RAB44: variants seen among roughly 807,000 people sequenced by gnomAD.
RAB44 encodes the protein RAB44, member RAS oncogene family.
RAB44 carries 67 observed loss-of-function variants against 93.3 expected under a neutral mutation model. The ratio of observed to expected loss-of-function variants is 0.72; its 90% CI spans 0.59 to 0.88. The LOEUF is 0.88. Among genes scored for constraint, RAB44 ranks in the 40% least tolerant of loss-of-function variants. The pLI, the probability that RAB44 is intolerant of heterozygous loss-of-function variation, is 0.00. For synonymous variants in RAB44, 427 were observed against 520.3 expected (o/e 0.82, Z 2.44); for missense variants, 1,064 against 1,261.7 (o/e 0.84, Z 2.37).
At chr6:36,701,252 A>G (rs76933890) in intron 1 of RAB44, among the ~76,000 whole-genome samples, 17,130 of 151,964 alleles carry the variant, frequency 0.11, 1,159 homozygotes, top group African/African-American at 0.18. Flanking sequence ...TAGAACTTCA[A>G]GCACACGCCA....
chr6:36,720,872 T>TAA (rs1370554360), intron 8 of RAB44, among the ~76,000 whole-genome samples: 15 of 152,296 alleles, frequency 9.8e-5, no homozygotes, highest in African/African-American at 3.1e-4. Context: ...TAGCAGGCAC[T>TAA]CACTCTACTT....
At position 36,727,565 on chromosome 6, in the gene RAB44, C is replaced by T. The variant is rs1703436739; in HGVS notation, c.2682-12C>T. Reference sequence around the variant, plus strand: ...GATGCCTGGTGTGGCCTCATGCAGACTCTCTGGGCAGGTACCACAGTATGA... The same window carrying T: ...GATGCCTGGTGTGGCCTCATGCAGATTCTCTGGGCAGGTACCACAGTATGA... On this transcript the variant is annotated splice_polypyrimidine_tract_variant and intron_variant, in intron 10 of 13. Transcript: ENST00000612677. The T allele has an allele frequency of 1.3e-6, 2 of 1,545,800 alleles. No homozygotes were observed. Among genetic ancestry groups the T allele is most frequent in the Admixed American group, 2.0e-5 (1 of 50,978 alleles).
At position 36,718,578 on chromosome 6, in the gene RAB44, G is replaced by C; in HGVS notation, c.818G>C (p.Gly273Ala). ...CGCGAGGTGCAGCGACTAGCTGAGG[G>C]CCAGAGGGAGGTGAGTAATAGGGTT... is the stretch of plus-strand genomic sequence containing the variant. ...KEREVQRLAE[G>A]QRELEAQLSH... Residue 273 changes from glycine to alanine, a missense_variant, in exon 7 of 14, where the codon GGC becomes GCC. Gly to Ala is a moderately conservative substitution (Grantham distance 60, BLOSUM62 0). Transcript: ENST00000612677. The C allele has an allele frequency of 2.4e-6, 3 of 1,233,632 alleles. No homozygotes were observed. The highest frequency in any genetic ancestry group is 3.0e-6 in the Non-Finnish European group (3 of 987,502). 76.4% of individuals were successfully genotyped at this position (1,233,632 alleles called of 1,614,324 possible).
At chr6:36,713,993 C>A in intron 3 of RAB44, 54 bp downstream of exon 3, 3 of 1,136,720 alleles carry the variant, frequency 2.6e-6, no homozygotes, top group Non-Finnish European at 2.6e-6. Flanking sequence ...TGCAGTGTGC[C>A]CTGCATGGGG....
chr6:36,704,499 C>G lies in RAB44; in HGVS notation c.207+57C>G, dbSNP rs895762932. On this transcript the variant is annotated intron_variant, in intron 2 of 13. Coordinates refer to ENST00000612677, the MANE Select transcript of RAB44 (RefSeq NM_001257357.2). ...TCCCTTTTCCGCAGCTCCTGACACC[C>G]CCTCTCCCCCATCACAGGAAGGCAG... The G allele has an allele frequency of 1.6e-5, 24 of 1,474,218 alleles. No individual in the cohort carries two copies. The East Asian group carries it at 6.0e-4, about 37-fold the overall frequency. The allele number at this position is 1,474,218 out of a possible 1,614,324, so 91.3% of individuals were successfully genotyped here. A position where few individuals can be genotyped will look rare whatever the true frequency, so the allele number is the denominator to read the frequency against.
chr6:36,712,764 A>G (rs1172536543), intron 2 of RAB44, among the ~76,000 whole-genome samples: 1 of 152,230 alleles, frequency 6.6e-6, no homozygotes, highest in African/African-American at 2.4e-5. Flanking sequence ...TTTTCAACCA[A>G]TAGGCATTAA....
chr6:36,728,539 A>G, intron 11 of RAB44, among the ~76,000 whole-genome samples, 161 bp from the exon 12 acceptor site: 1 of 151,760 alleles, frequency 6.6e-6, no homozygotes, highest in Non-Finnish European at 1.5e-5. Flanking sequence ...TTATCAGCAG[A>G]GAGGAAGGAT....
In RAB44 at chr6:36,722,326, C is replaced by A. The variant is rs1305215681; in HGVS notation, c.2192C>A (p.Ala731Glu). 13 of 1,338,596 alleles carry A rather than the reference C, an allele frequency of 9.7e-6. No individual in the cohort carries two copies. The highest frequency in any genetic ancestry group is 1.2e-5 in the Non-Finnish European group (13 of 1,046,532). 82.9% of individuals were successfully genotyped at this position (1,338,596 alleles called of 1,614,324 possible). A position where few individuals can be genotyped will look rare whatever the true frequency, so the allele number is the denominator to read the frequency against. The change falls in exon 9 of 14, where the codon GCA becomes GAA. Residue 731 changes from alanine (A) to glutamate (E), a missense_variant. Ala to Glu is a moderately radical substitution (Grantham distance 107). Coordinates refer to ENST00000612677, the MANE Select transcript of RAB44 (RefSeq NM_001257357.2). Reference protein sequence around the residue: ...PSATPQAQVEAEGPTPGKSAP... With the variant: ...PSATPQAQVEEEGPTPGKSAP... The stretch of plus-strand genomic sequence containing the variant: ...GCCACACCACAGGCTCAGGTGGAAG[C>A]AGAAGGCCCCACTCCTGGAAAATCG...
chr6:36,725,806 G>T, intron 9 of RAB44, 56 bp from the exon 10 acceptor site: 1 of 1,280,120 alleles, frequency 7.8e-7, no homozygotes, highest in Non-Finnish European at 1.1e-6. Context: ...GGTAGGCCTT[G>T]GCTAGGAGTC....
Position 36,704,281 on chromosome 6 carries a change from T to C in RAB44, c.46T>C (p.Ser16Pro). The change falls in exon 2 of 14, where the codon TCC becomes CCC. Residue 16 changes from serine to proline, a missense_variant. Physicochemically the swap from Ser to Pro is moderately conservative, Grantham distance 74 (BLOSUM62 -1). Transcript: ENST00000612677. ...ATCTCGAAAAGTCCGGAAGCTGGGC[T>C]CCAACCGGCGGCGGCAGACAAGAGA... ...RTSRKVRKLG[S>P]NRRRQTREPA... 1 of 1,536,078 alleles carries C rather than the reference T, an allele frequency of 6.5e-7. No homozygotes were observed.
At chr6:36,699,599 C>T (rs1277450983) in intron 1 of RAB44, among the ~76,000 whole-genome samples, 4 of 152,212 alleles carry the variant, frequency 2.6e-5, no homozygotes, top group Non-Finnish European at 4.4e-5. Flanking sequence ...GTTTGTCATC[C>T]CCAGAGGGGC....
intron 11 of RAB44, 63 bp downstream of exon 11, chr6:36,727,754 C>A: frequency 1.0e-6 from 1 of 986,358 alleles, no homozygotes; most frequent in Non-Finnish European, 1.6e-6. Context: ...TTATATCCTG[C>A]CCACTCCCTC....
intron 4 of RAB44, 104 bp downstream of exon 4, chr6:36,715,757 G>T: frequency 8.2e-7 from 1 of 1,223,020 alleles, no homozygotes; most frequent in Non-Finnish European, 1.1e-6. Context: ...GCCAGGTAGA[G>T]CCAAGTGCAA....
chr6:36,727,654 GC>G lies in RAB44; in HGVS notation c.2760del (p.Phe921LeufsTer8), dbSNP rs1232853369. On this transcript the variant is annotated frameshift_variant, in exon 11 of 14. Transcript: ENST00000612677. LOFTEE classifies it high-confidence loss of function. ...ATGTACGACATCACCTCCCAGGAGA[GC>G]TTTGCCCACGTGCGCTACTGGCTAG... ...VLMYDITSQE[S>X]FAHVRYWLDC... 2 of 1,550,504 alleles carry G rather than the reference GC, an allele frequency of 1.3e-6. No individual in the cohort carries two copies. Among genetic ancestry groups the G allele is most frequent in the African/African-American group, 2.7e-5 (2 of 73,062 alleles).
chr6:36,705,771 A>G (rs1350514289), intron 2 of RAB44, among the ~76,000 whole-genome samples: 1 of 152,164 alleles, frequency 6.6e-6, no homozygotes, highest in African/African-American at 2.4e-5. Flanking sequence ...TTTCCATAGG[A>G]GCAACAAGGA....
At chr6:36,713,192 CT>C (rs908928281) in intron 2 of RAB44, among the ~76,000 whole-genome samples, 2 of 152,088 alleles carry the variant, frequency 1.3e-5, no homozygotes, top group African/African-American at 4.8e-5. Flanking sequence ...AACTCATTGA[CT>C]TTTTTATTTT....
intron 2 of RAB44, among the ~76,000 whole-genome samples, chr6:36,712,812 A>G (rs1007001819): frequency 6.6e-6 from 1 of 152,268 alleles, no homozygotes; most frequent in African/African-American, 2.4e-5. Flanking sequence ...ACCAAATAGA[A>G]CATAAAGACC....
chr6:36,699,628 C>A (rs990456333), intron 1 of RAB44, among the ~76,000 whole-genome samples: 1 of 152,212 alleles, frequency 6.6e-6, no homozygotes, highest in Non-Finnish European at 1.5e-5. Flanking sequence ...CAGGGAAGAG[C>A]CACCTCTGTA....
rs750563223 is a variant in RAB44 at position 36,715,543 on chromosome 6, G to A, written c.384G>A (p.Lys128=). 67 of 1,536,096 alleles carry A rather than the reference G, an allele frequency of 4.4e-5. No individual in the cohort carries two copies. The South Asian group carries it at 6.8e-4, about 16-fold the overall frequency. Residue 128 remains lysine, a synonymous_variant, in exon 4 of 14, where the codon AAG becomes AAA. Coordinates refer to ENST00000612677, the MANE Select transcript of RAB44 (RefSeq NM_001257357.2). ...GCAGAAGGAAGCCACTGCCCTCTAA[G>A]CGGGTATCTGCTACCACCAGCTTCC... ...RLRRRKPLPS[K]RVSATTSFPA...
Sources: allele counts gnomAD v4.1 joint callset (sites outside exome capture counted in the v4.1 genomes callset), GRCh38; gene constraint gnomAD v4.1.1; transcripts MANE v1.5; gene names NCBI Gene and HGNC (gene_info 2026-07-23, HGNC 2026-07-21).